The following TMEM132D variants were observed in gnomAD, a reference collection of about 807,000 sequenced individuals.
TMEM132D encodes the protein transmembrane protein 132D.
A neutral mutation model predicts 62.3 loss-of-function variants in TMEM132D; 21 were observed. The ratio of observed to expected loss-of-function variants is 0.34; its 90% CI spans 0.24 to 0.49. TMEM132D has a LOEUF of 0.49. Ranked by LOEUF, TMEM132D falls within the 20% of genes least tolerant of loss-of-function variation. The pLI, the probability that TMEM132D is intolerant of heterozygous loss-of-function variation, is 0.99. For synonymous variants in TMEM132D, 621 were observed against 575.6 expected (o/e 1.08, Z -1.13); for missense variants, 1,346 against 1,402.8 (o/e 0.96, Z 0.65).
At chr12:129,864,475 G>T (rs1203893928) in intron 1 of TMEM132D, among the ~76,000 whole-genome samples, 1 of 152,228 alleles carries the variant, frequency 6.6e-6, no homozygotes, top group African/African-American at 2.4e-5. Flanking sequence ...AGACCCATAA[G>T]ACTCAAGGAG....
At chr12:129,363,505 T>TGATATGA (rs1195551232) in intron 3 of TMEM132D, among the ~76,000 whole-genome samples, 4 of 152,220 alleles carry the variant, frequency 2.6e-5, no homozygotes, top group Non-Finnish European at 5.9e-5. Context: ...TTTTCTCAAC[T>TGATATGA]CCCATCTGAT....
chr12:129,540,547 G>A (rs537234705), intron 2 of TMEM132D, among the ~76,000 whole-genome samples: 47 of 151,592 alleles, frequency 3.1e-4, no homozygotes, highest in Non-Finnish European at 5.7e-4. Flanking sequence ...GTGCACTGGT[G>A]TGATCTCCAC....
At chr12:129,642,398 C>T (rs1470744026) in intron 2 of TMEM132D, among the ~76,000 whole-genome samples, 1 of 152,188 alleles carries the variant, frequency 6.6e-6, no homozygotes, top group Non-Finnish European at 1.5e-5. Flanking sequence ...GGAAGCGCAC[C>T]TTCGAGAGCA....
intron 4 of TMEM132D, among the ~76,000 whole-genome samples, chr12:129,271,292 A>G (rs2135600956): frequency 6.7e-6 from 1 of 150,280 alleles, no homozygotes; most frequent in South Asian, 2.1e-4. Context: ...GTAACACCAA[A>G]GCTAAAATCA....
chr12:129,524,791 G>C (rs1875963118), intron 3 of TMEM132D, among the ~76,000 whole-genome samples: 1 of 151,778 alleles, frequency 6.6e-6, no homozygotes, highest in South Asian at 2.1e-4. Context: ...GGAGGCGGAG[G>C]TTGCAGTGAG....
At chr12:129,679,767 T>C (rs529078500) in intron 2 of TMEM132D, among the ~76,000 whole-genome samples, 54 of 152,246 alleles carry the variant, frequency 3.5e-4, no homozygotes, top group African/African-American at 1.3e-3. Context: ...GTTTATTAAA[T>C]TTATATTTTA....
rs201198157 is a variant in TMEM132D, at chr12:129,699,953, T to A, written c.825A>T (p.Thr275=). The A allele has an allele frequency of 1.9e-6, 3 of 1,614,140 alleles. No homozygotes were observed. The Admixed American group carries it at 5.0e-5, about 27-fold the overall frequency. The change falls in exon 2 of 9, where the codon ACA becomes ACT. Residue 275 remains threonine (T), a synonymous_variant. Transcript: ENST00000422113. The part of the protein sequence containing the change: ...QRIGSIFLYQ[T]HRKPSLRELR... ...GTTCTCTCAGGGAGGGTTTCCTGTG[T>A]GTCTGATAAAGGAAGATGCTCCCGA...
At chr12:129,461,100 G>T (rs1455160970) in intron 3 of TMEM132D, among the ~76,000 whole-genome samples, 1 of 152,218 alleles carries the variant, frequency 6.6e-6, no homozygotes, top group Non-Finnish European at 1.5e-5. Context: ...TGCTGATAAG[G>T]GTTGAGGGTG....
At chr12:129,438,374 T>C (rs1188277750) in intron 3 of TMEM132D, among the ~76,000 whole-genome samples, 2 of 152,130 alleles carry the variant, frequency 1.3e-5, no homozygotes, top group Non-Finnish European at 2.9e-5. Context: ...AACTCAAATA[T>C]CCACCCATAG....
intron 3 of TMEM132D, among the ~76,000 whole-genome samples, chr12:129,472,704 T>C (rs1039419095): frequency 6.4e-4 from 97 of 152,206 alleles, no homozygotes; most frequent in Non-Finnish European, 1.2e-4. Context: ...ATTTACAATA[T>C]TGCTTCAACC....
chr12:129,127,147 C>T (rs2135660047), intron 5 of TMEM132D, among the ~76,000 whole-genome samples: 1 of 152,334 alleles, frequency 6.6e-6, no homozygotes, highest in East Asian at 1.9e-4. Flanking sequence ...CAAGGCTGTC[C>T]TATCACACTG....
chr12:129,818,242 GTC>G (rs1872424430), intron 1 of TMEM132D, among the ~76,000 whole-genome samples: 1 of 146,662 alleles, frequency 6.8e-6, no homozygotes, highest in Non-Finnish European at 1.5e-5. Flanking sequence ...TTTGGGGTGT[GTC>G]TGTGTAGTGT....
intron 4 of TMEM132D, among the ~76,000 whole-genome samples, chr12:129,242,755 G>A (rs4759934): frequency 0.25 from 37,882 of 150,682 alleles, 4,903 homozygotes; most frequent in African/African-American, 0.28. Flanking sequence ...AAGAAGTTAC[G>A]CACTATTTTT....
intron 1 of TMEM132D, among the ~76,000 whole-genome samples, chr12:129,892,744 A>C (rs1336917370): frequency 6.6e-6 from 1 of 152,130 alleles, no homozygotes; most frequent in East Asian, 1.9e-4. Flanking sequence ...TGGAGATGCT[A>C]CAATTTGTTA....
chr12:129,302,264 A>AC (rs1415805657), intron 4 of TMEM132D, among the ~76,000 whole-genome samples: 1 of 152,170 alleles, frequency 6.6e-6, no homozygotes, highest in Non-Finnish European at 1.5e-5. Flanking sequence ...ATAGGTGTGC[A>AC]CCACCATACC....
rs115453325 is a variant in TMEM132D at position 129,100,652 on chromosome 12, T to C, written c.1444-15950A>G. On this transcript the variant is annotated intron_variant, in intron 5 of 8. Transcript: ENST00000422113. ...AGGCCTCAATAATTTTTTTCTGGAGTGAATGAAAGTATTGCCCATGTCTTA... is the reference window on the plus strand; with the variant it reads ...AGGCCTCAATAATTTTTTTCTGGAGCGAATGAAAGTATTGCCCATGTCTTA... Among the ~76,000 whole-genome samples the C allele has an allele frequency of 3.5e-3, 538 of 152,218 alleles. 2 individuals are homozygous for C. The highest frequency in any genetic ancestry group is 0.013 in the African/African-American group (520 of 41,538).
At chr12:129,249,623 G>A (rs994886996) in intron 4 of TMEM132D, among the ~76,000 whole-genome samples, 8 of 152,132 alleles carry the variant, frequency 5.3e-5, no homozygotes, top group African/African-American at 1.4e-4. Context: ...TGGTAATAGC[G>A]CAGGTAGACA....
At chr12:129,559,713 C>G (rs1294339530) in intron 2 of TMEM132D, among the ~76,000 whole-genome samples, 2 of 152,166 alleles carry the variant, frequency 1.3e-5, no homozygotes, top group Non-Finnish European at 2.9e-5. Flanking sequence ...ACCTTGGGCT[C>G]TATGCTGGAA....
rs77311889 is a variant in TMEM132D at position 129,692,129 on chromosome 12, A to T, written c.968+7681T>A. Among the ~76,000 whole-genome samples, 743 of 152,252 alleles carry T rather than the reference A, an allele frequency of 4.9e-3. 8 individuals are homozygous for T. Among genetic ancestry groups the T allele is most frequent in the African/African-American group, 0.017 (702 of 41,564 alleles). On this transcript the variant is annotated intron_variant, in intron 2 of 8. Transcript: ENST00000422113. ...CAAAACCATATGAAGACATTCAAGA[A>T]AAAACAAAAGTGCAAACTAGTATCT...
Sources: allele counts gnomAD v4.1 joint callset (sites outside exome capture counted in the v4.1 genomes callset), GRCh38; gene constraint gnomAD v4.1.1; transcripts MANE v1.5; gene names NCBI Gene and HGNC (gene_info 2026-07-23, HGNC 2026-07-21).